Variants in GHR observed in about 807,000 individuals in gnomAD.
GHR encodes the protein growth hormone receptor.
GHR carries 35 observed loss-of-function variants against 67.1 expected under a neutral mutation model. The observed-to-expected ratio is 0.52, with a 90% confidence interval of 0.40 to 0.69. GHR has a LOEUF of 0.69. GHR is among the 30% of genes least tolerant of loss of function. The probability of loss-of-function intolerance (pLI) is 0.00; values close to 1 mark genes in which losing one functional copy is unlikely to be tolerated. For missense variants in GHR, 792 were observed against 764.6 expected, an observed-to-expected ratio of 1.04 and a Z score of -0.42; for synonymous variants, 272 against 269.1, an observed-to-expected ratio of 1.01 and a Z score of -0.10.
At chr5:42,468,339 G>A in intron 1 of GHR, 2 of 1,547,792 alleles carry the variant, frequency 1.3e-6, no homozygotes, top group Non-Finnish European at 1.8e-6. Context: ...CTGCTCAGCA[G>A]GGGAACGCCT....
At chr5:42,436,823 T>A (rs1743348789) in intron 1 of GHR, among the ~76,000 whole-genome samples, 1 of 152,210 alleles carries the variant, frequency 6.6e-6, no homozygotes. Context: ...AAAATTACCC[T>A]TGGTTGCCTT....
chr5:42,685,883 C>A (rs141039308), intron 3 of GHR, among the ~76,000 whole-genome samples: 32 of 152,186 alleles, frequency 2.1e-4, no homozygotes, highest in Admixed American at 4.6e-4. Context: ...TTCCCCCATT[C>A]TGTAGGTTGC....
Position 42,719,067 on chromosome 5 carries a change from G to C in GHR, c.1560G>C (p.Met520Ile). 1.2e-6 allele frequency: 2 copies of C among 1,612,018 alleles called. No individual in the cohort carries two copies. The highest frequency in any genetic ancestry group is 1.7e-6 in the Non-Finnish European group (2 of 1,178,352). Residue 520 changes from methionine (M) to isoleucine (I), a missense_variant, in exon 10 of 10, where the codon ATG becomes ATC. By Grantham distance (10) the Met-to-Ile change is conservative (BLOSUM62 1). Transcript: ENST00000230882. ...CCCAATGTGACATGCACCCGGAAAT[G>C]GTCTCACTCTGCCAAGAAAACTTCC... ...GMSQCDMHPE[M>I]VSLCQENFLM...
chr5:42,510,450 G>C (rs1746961828), intron 1 of GHR, among the ~76,000 whole-genome samples: 1 of 152,040 alleles, frequency 6.6e-6, no homozygotes, highest in Non-Finnish European at 1.5e-5. Flanking sequence ...GACTTCATTT[G>C]GGCAGATGTT....
intron 1 of GHR, among the ~76,000 whole-genome samples, chr5:42,439,314 T>C (rs1743467462): frequency 6.6e-6 from 1 of 152,232 alleles, no homozygotes; most frequent in Admixed American, 6.5e-5. Flanking sequence ...TAATCTTAAA[T>C]TGTTAGGTGC....
chr5:42,667,196 C>A (rs967976310), intron 3 of GHR, among the ~76,000 whole-genome samples: 1 of 152,122 alleles, frequency 6.6e-6, no homozygotes, highest in Non-Finnish European at 1.5e-5. Context: ...AATTTAAGGT[C>A]GAACCTCCCT....
chr5:42,665,964 C>T (rs1249966417), intron 3 of GHR, among the ~76,000 whole-genome samples: 1 of 151,974 alleles, frequency 6.6e-6, no homozygotes, highest in African/African-American at 2.4e-5. Context: ...GAAAAACCTG[C>T]CCCCATGATT....
chr5:42,513,916 G>A (rs72754906), intron 1 of GHR, among the ~76,000 whole-genome samples: 10,720 of 152,142 alleles, frequency 0.07, 470 homozygotes, highest in African/African-American at 0.11. Context: ...TTAGTTGACT[G>A]CAAACATTAA....
chr5:42,549,568 G>A, intron 1 of GHR: 1 of 518,272 alleles, frequency 1.9e-6, no homozygotes, highest in Non-Finnish European at 2.5e-6. Flanking sequence ...GGAATGAGTA[G>A]CAAAGATGGA....
intron 2 of GHR, among the ~76,000 whole-genome samples, chr5:42,574,508 G>A (rs369028500): frequency 3.3e-5 from 5 of 152,310 alleles, no homozygotes; most frequent in African/African-American, 1.2e-4. Context: ...AAGGAAGTAA[G>A]TTAACTTCTG....
chr5:42,719,571 G>A lies in GHR; in HGVS notation c.*147G>A. 1.4e-6 allele frequency: 1 copy of A among 739,802 alleles called. No homozygotes were observed. The highest frequency in any genetic ancestry group is 1.9e-5 in the Admixed American group (1 of 52,394). 45.8% of individuals were successfully genotyped at this position (739,802 alleles called of 1,614,324 possible). A position where few individuals can be genotyped will look rare whatever the true frequency, so the allele number is the denominator to read the frequency against. On this transcript the variant is annotated 3_prime_UTR_variant, in exon 10 of 10. Coordinates refer to ENST00000230882, the MANE Select transcript of GHR (RefSeq NM_000163.5). ...CTAAAATGCCTTTTCCCAAAATGTT[G>A]AAATATGATGTTAAAAAAATAAGAA...
chr5:42,567,076 C>T (rs1749984627), intron 2 of GHR, among the ~76,000 whole-genome samples: 1 of 152,156 alleles, frequency 6.6e-6, no homozygotes, highest in African/African-American at 2.4e-5. Context: ...GAGAGAATTG[C>T]AGGCTCCATT....
chr5:42,694,507 C>T (rs1757574462), intron 4 of GHR, among the ~76,000 whole-genome samples: 1 of 152,142 alleles, frequency 6.6e-6, no homozygotes, highest in Non-Finnish European at 1.5e-5. Flanking sequence ...GGTGAAACAG[C>T]CAGGTCTAAA....
intron 1 of GHR, among the ~76,000 whole-genome samples, chr5:42,522,871 A>G (rs1277177206): frequency 1.3e-5 from 2 of 152,196 alleles, no homozygotes; most frequent in African/African-American, 4.8e-5. Context: ...CATGTACTGA[A>G]TGGAAAAAAA....
chr5:42,698,613 G>A (rs6874738), intron 5 of GHR, among the ~76,000 whole-genome samples: 1,798 of 152,150 alleles, frequency 0.012, 43 homozygotes, highest in African/African-American at 0.042. Flanking sequence ...CCACCATAAG[G>A]CCTGTTTTCA....
At chr5:42,581,443 C>G (rs908052714) in intron 2 of GHR, among the ~76,000 whole-genome samples, 1 of 152,174 alleles carries the variant, frequency 6.6e-6, no homozygotes, top group African/African-American at 2.4e-5. Context: ...TCTCTAGAGA[C>G]AGGTTGCTAG....
chr5:42,526,775 A>G (rs189384162), intron 1 of GHR, among the ~76,000 whole-genome samples: 172 of 152,330 alleles, frequency 1.1e-3, no homozygotes, highest in Middle Eastern at 3.4e-3. Flanking sequence ...CCCCAGACAC[A>G]TAATCATCAG....
chr5:42,712,876 T>C (rs1298560300), intron 7 of GHR, among the ~76,000 whole-genome samples: 1 of 150,834 alleles, frequency 6.6e-6, no homozygotes, highest in East Asian at 1.9e-4. Context: ...ATTTTAATAA[T>C]TTAATTTATT....
chr5:42,640,697 T>A (rs779859473), intron 3 of GHR, among the ~76,000 whole-genome samples: 2 of 151,270 alleles, frequency 1.3e-5, no homozygotes, highest in Admixed American at 6.6e-5. Flanking sequence ...GGAAAAAAAA[T>A]AAATTTAAAA....
Sources: allele counts gnomAD v4.1 joint callset (sites outside exome capture counted in the v4.1 genomes callset), GRCh38; gene constraint gnomAD v4.1.1; transcripts MANE v1.5; gene names NCBI Gene and HGNC (gene_info 2026-07-23, HGNC 2026-07-21).